ACSS3: variants seen among roughly 807,000 people sequenced by gnomAD.
ACSS3 encodes acyl-CoA synthetase short chain family member 3, also known as acyl-CoA synthetase short-chain family member 3, mitochondrial.
ACSS3 carries 64 observed loss-of-function variants against 84.2 expected under a neutral mutation model. The ratio of observed to expected loss-of-function variants is 0.76; its 90% CI spans 0.62 to 0.94. The LOEUF (loss-of-function observed/expected upper bound fraction) is 0.94. Ranked by LOEUF, ACSS3 falls within the 40% of genes least tolerant of loss-of-function variation. The pLI, the probability that ACSS3 is intolerant of heterozygous loss-of-function variation, is 0.00. For synonymous variants in ACSS3, 317 were observed against 310.1 expected (o/e 1.02, Z -0.23); for missense variants, 815 against 867.6 (o/e 0.94, Z 0.76).
intron 1 of ACSS3, among the ~76,000 whole-genome samples, chr12:81,096,634 CT>C (rs1168199772): frequency 2.0e-5 from 3 of 152,118 alleles, no homozygotes; most frequent in Admixed American, 6.5e-5. Context: ...CCCCCACCCC[CT>C]GACAGGCCCC....
chr12:81,154,217 A>T (rs1010837627), intron 7 of ACSS3, among the ~76,000 whole-genome samples: 2 of 152,256 alleles, frequency 1.3e-5, no homozygotes, highest in Non-Finnish European at 2.9e-5. Flanking sequence ...CATAAATATG[A>T]CAAAGCCAAA....
At chr12:81,203,986 A>G (rs1338003658) in intron 9 of ACSS3, among the ~76,000 whole-genome samples, 1 of 151,914 alleles carries the variant, frequency 6.6e-6, no homozygotes, top group African/African-American at 2.4e-5. Flanking sequence ...TCCATGTGCC[A>G]AAAAAAAGAA....
intron 2 of ACSS3, among the ~76,000 whole-genome samples, chr12:81,130,113 T>G (rs1196788580): frequency 1.3e-5 from 2 of 152,242 alleles, no homozygotes; most frequent in Non-Finnish European, 2.9e-5. Flanking sequence ...TATGGTAGCA[T>G]GATTTATAAT....
chr12:81,089,597 C>G (rs4842381), intron 1 of ACSS3, among the ~76,000 whole-genome samples: 59,502 of 151,634 alleles, frequency 0.39, 12,307 homozygotes, highest in African/African-American at 0.5. Flanking sequence ...AATATATGTG[C>G]AGAGTCTGTA....
chr12:81,131,077 G>A (rs1885466190), intron 2 of ACSS3, among the ~76,000 whole-genome samples: 1 of 152,152 alleles, frequency 6.6e-6, no homozygotes, highest in Non-Finnish European at 1.5e-5. Flanking sequence ...CTCCAGCTTT[G>A]TTCTTTTGGC....
intron 12 of ACSS3, 124 bp downstream of exon 12, chr12:81,231,262 A>G (rs1170540160): frequency 2.9e-6 from 2 of 700,154 alleles, no homozygotes; most frequent in South Asian, 2.1e-5. Context: ...TATCTGGACC[A>G]GTTTCCAGCT....
chr12:81,104,108 C>T (rs1039278791), intron 1 of ACSS3, among the ~76,000 whole-genome samples: 2 of 152,078 alleles, frequency 1.3e-5, no homozygotes, highest in Non-Finnish European at 2.9e-5. Flanking sequence ...GTATATCAAA[C>T]ACACATAAGA....
At chr12:81,120,721 A>T (rs2121534298) in intron 2 of ACSS3, among the ~76,000 whole-genome samples, 1 of 152,312 alleles carries the variant, frequency 6.6e-6, no homozygotes, top group South Asian at 2.1e-4. Flanking sequence ...AGATATATGT[A>T]ATACTTAAGT....
intron 8 of ACSS3, among the ~76,000 whole-genome samples, chr12:81,198,379 G>A (rs1031616643): frequency 1.3e-5 from 2 of 152,260 alleles, no homozygotes; most frequent in African/African-American, 2.4e-5. Flanking sequence ...TTGGAACATA[G>A]GAGTGGAAGT....
intron 5 of ACSS3, among the ~76,000 whole-genome samples, chr12:81,148,139 G>A (rs1165794784): frequency 6.7e-6 from 1 of 149,384 alleles, no homozygotes; most frequent in African/African-American, 2.4e-5. Flanking sequence ...GGATTTGCCT[G>A]TCAGATATTT....
At chr12:81,157,273 T>G (rs915388292) in intron 7 of ACSS3, among the ~76,000 whole-genome samples, 2 of 152,200 alleles carry the variant, frequency 1.3e-5, no homozygotes, top group African/African-American at 4.8e-5. Context: ...TATTAATTGA[T>G]GTAGAAAAAG....
At chr12:81,238,987 A>T (rs1379154139) in intron 13 of ACSS3, among the ~76,000 whole-genome samples, 1 of 151,776 alleles carries the variant, frequency 6.6e-6, no homozygotes, top group Non-Finnish European at 1.5e-5. Flanking sequence ...CTAATATGTG[A>T]ATTCAGTGCT....
Position 81,259,608 on chromosome 12 carries a change from C to A in ACSS3, c.*4686C>A. 1 of 1,528,362 alleles carries A rather than the reference C, an allele frequency of 6.5e-7. No homozygotes were observed. The highest frequency in any genetic ancestry group is 1.2e-5 in the South Asian group (1 of 83,850). The allele number at this position is 1,528,362 out of a possible 1,614,324, so 94.7% of individuals were successfully genotyped here. On this transcript the variant is annotated 3_prime_UTR_variant, in exon 16 of 16. Transcript: ENST00000548058. ...AGTTTTCACAAAGGTTTTCACTGCTCGTCTTCTTAGATGGTAGTGCACTTT... is the reference window on the plus strand; with the variant it reads ...AGTTTTCACAAAGGTTTTCACTGCTAGTCTTCTTAGATGGTAGTGCACTTT...
intron 11 of ACSS3, among the ~76,000 whole-genome samples, chr12:81,230,227 G>A (rs560458863): frequency 1.8e-3 from 269 of 151,848 alleles, no homozygotes; most frequent in Non-Finnish European, 3.2e-3. Context: ...GATCTAAAAG[G>A]TTTCTGTGTT....
At chr12:81,143,334 G>A in intron 5 of ACSS3, 87 bp downstream of exon 5, 1 of 1,330,816 alleles carries the variant, frequency 7.5e-7, no homozygotes, top group South Asian at 1.9e-5. Flanking sequence ...AATGTTTGCA[G>A]ACTTTACTTT....
Position 81,256,546 on chromosome 12 carries a change from GTATTTCTCA to G in ACSS3, c.*1625_*1633del, listed in dbSNP as rs1800312803. ...CATTGTATCTTTGATCGTTCTTCAA[GTATTTCTCA>G]ATCTTTTAATCTATCAGGAACATTA... On this transcript the variant is annotated 3_prime_UTR_variant, in exon 16 of 16. Coordinates refer to ENST00000548058, the MANE Select transcript of ACSS3 (RefSeq NM_024560.4). 1 of 152,064 alleles carries G rather than the reference GTATTTCTCA, an allele frequency of 6.6e-6. No homozygotes were observed. Among genetic ancestry groups the G allele is most frequent in the African/African-American group, 2.4e-5 (1 of 41,418 alleles). The allele number at this position is 152,064 out of a possible 1,614,324, so 9.4% of individuals were successfully genotyped here. A position where few individuals can be genotyped will look rare whatever the true frequency, so the allele number is the denominator to read the frequency against.
intron 1 of ACSS3, among the ~76,000 whole-genome samples, chr12:81,083,849 A>G (rs1881149929): frequency 6.6e-6 from 1 of 152,114 alleles, no homozygotes; most frequent in Admixed American, 6.5e-5. Flanking sequence ...ACACACCGGT[A>G]ATCCTAGCTA....
At chr12:81,213,277 A>G (rs1249989119) in intron 9 of ACSS3, among the ~76,000 whole-genome samples, 1 of 152,138 alleles carries the variant, frequency 6.6e-6, no homozygotes, top group African/African-American at 2.4e-5. Flanking sequence ...TCAGAAGCCT[A>G]TTCTGCACGT....
chr12:81,187,153 C>CA lies in ACSS3; in HGVS notation c.1251-12179dup, dbSNP rs60792995. Among the ~76,000 whole-genome samples the CA allele has an allele frequency of 2.9e-3, 444 of 150,670 alleles. 9 individuals carry two copies. In the South Asian group the frequency reaches 0.044, roughly 15 times the overall value. ...TATATGTTAAATTTTAAAACAACAA[C>CA]AAAAAAAAATCAAAAATACAGATAT... On this transcript the variant is annotated intron_variant, in intron 8 of 15. Coordinates refer to ENST00000548058, the MANE Select transcript of ACSS3 (RefSeq NM_024560.4).
Sources: allele counts gnomAD v4.1 joint callset (sites outside exome capture counted in the v4.1 genomes callset), GRCh38; gene constraint gnomAD v4.1.1; transcripts MANE v1.5; gene names NCBI Gene and HGNC (gene_info 2026-07-23, HGNC 2026-07-21).